Variants in UTRN observed in about 807,000 individuals in gnomAD.
UTRN encodes the protein utrophin, also known as dystrophin-related protein 1.
In UTRN, 283 loss-of-function variants were observed where a neutral mutation model predicts 463.9. That is an observed-to-expected ratio of 0.61 (90% CI 0.55 to 0.67). The LOEUF (loss-of-function observed/expected upper bound fraction) is 0.67. Among genes scored for constraint, UTRN ranks in the 30% least tolerant of loss-of-function variants. The pLI is 0.00. For missense variants in UTRN, 3,922 were observed against 4,084.3 expected (o/e 0.96, Z 1.08); for synonymous variants, 1,442 against 1,431.5 (o/e 1.01, Z -0.17).
At chr6:144,805,800 CTTT>C (rs1778099759) in intron 65 of UTRN, among the ~76,000 whole-genome samples, 1 of 144,136 alleles carries the variant, frequency 6.9e-6, no homozygotes, top group African/African-American at 2.9e-5. Flanking sequence ...AGTGCAATAT[CTTT>C]GAAGCTCACC....
chr6:144,754,100 TTC>T (rs573241205), intron 56 of UTRN, among the ~76,000 whole-genome samples: 2 of 146,072 alleles, frequency 1.4e-5, no homozygotes, highest in African/African-American at 2.7e-5. Flanking sequence ...TACTGTCTAT[TTC>T]TCTCTCTCAC....
intron 50 of UTRN, among the ~76,000 whole-genome samples, chr6:144,558,341 A>C (rs980644016): frequency 2.0e-5 from 3 of 152,216 alleles, no homozygotes; most frequent in African/African-American, 4.8e-5. Context: ...GTTAGCAAAG[A>C]CAAAACTTCA....
chr6:144,561,250 T>TACACAC lies in UTRN; in HGVS notation c.7289+3940_7289+3941insCACACA, dbSNP rs1200374892. On this transcript the variant is annotated intron_variant, in intron 50 of 74. Coordinates refer to ENST00000367545, the MANE Select transcript of UTRN (RefSeq NM_007124.3). ...ATATATATATATATATATATATATA[T>TACACAC]ATATATATATACATACACACACACA... 2.9e-4 allele frequency among the ~76,000 whole-genome samples: 15 copies of TACACAC among 51,826 alleles called. 1 individual carries two copies. The highest frequency in any genetic ancestry group is 1.1e-3 in the African/African-American group (15 of 14,090). The allele number at this position is 51,826 out of a possible 152,430, so 34.0% of individuals were successfully genotyped here. A position where few individuals can be genotyped will look rare whatever the true frequency, so the allele number is the denominator to read the frequency against.
intron 33 of UTRN, among the ~76,000 whole-genome samples, chr6:144,498,965 G>A (rs1338281852): frequency 2.0e-5 from 3 of 152,080 alleles, no homozygotes; most frequent in Non-Finnish European, 4.4e-5. Flanking sequence ...GAGCCACTGT[G>A]CCCAGCCTCA....
intron 62 of UTRN, among the ~76,000 whole-genome samples, chr6:144,793,333 C>A (rs1360699097): frequency 1.3e-5 from 2 of 151,584 alleles, no homozygotes; most frequent in African/African-American, 4.9e-5. Context: ...TGGTCTCAAA[C>A]TCCTGGCTCA....
intron 2 of UTRN, among the ~76,000 whole-genome samples, chr6:144,360,080 C>G (rs1293566973): frequency 1.0e-5 from 1 of 95,730 alleles, no homozygotes; most frequent in Non-Finnish European, 1.8e-5. Context: ...CCCTTCCCTT[C>G]CCTTCCCTTC....
intron 53 of UTRN, among the ~76,000 whole-genome samples, chr6:144,723,971 C>G (rs1345269139): frequency 7.5e-6 from 1 of 132,566 alleles, no homozygotes; most frequent in Non-Finnish European, 1.5e-5. Flanking sequence ...GATCATGCCA[C>G]TGCACTCCAG....
intron 51 of UTRN, among the ~76,000 whole-genome samples, chr6:144,615,569 G>A (rs1435587209): frequency 1.3e-5 from 2 of 152,178 alleles, no homozygotes; most frequent in Non-Finnish European, 1.5e-5. Flanking sequence ...TCTAAGTCAC[G>A]CTTGATTGCT....
At chr6:144,581,892 T>A (rs2128626965) in intron 51 of UTRN, among the ~76,000 whole-genome samples, 1 of 152,346 alleles carries the variant, frequency 6.6e-6, no homozygotes, top group African/African-American at 2.4e-5. Flanking sequence ...ACTAATCTAT[T>A]TCTATCTATT....
chr6:144,715,739 C>T (rs1480678365), intron 53 of UTRN, among the ~76,000 whole-genome samples: 2 of 139,318 alleles, frequency 1.4e-5, no homozygotes, highest in Non-Finnish European at 3.0e-5. Flanking sequence ...TAGCATTTAT[C>T]AGAATCTAAC....
intron 53 of UTRN, among the ~76,000 whole-genome samples, chr6:144,706,177 C>G (rs1785068824): frequency 1.3e-5 from 2 of 150,590 alleles, no homozygotes; most frequent in African/African-American, 4.9e-5. Flanking sequence ...TTCTTGAAAT[C>G]AAAATCTCTT....
intron 51 of UTRN, among the ~76,000 whole-genome samples, chr6:144,601,391 G>C (rs1804232323): frequency 6.6e-6 from 1 of 152,146 alleles, no homozygotes; most frequent in South Asian, 2.1e-4. Context: ...GACATTTACA[G>C]GAGTTTGGAA....
In UTRN at chr6:144,479,889, G is replaced by A; in HGVS notation, c.3414G>A (p.Gln1138=). The A allele has an allele frequency of 6.2e-7, 1 of 1,614,214 alleles. No individual in the cohort carries two copies. Among genetic ancestry groups the A allele is most frequent in the South Asian group, 1.1e-5 (1 of 91,086 alleles). Residue 1138 remains glutamine, a synonymous_variant, in exon 26 of 75, where the codon CAG becomes CAA. Transcript: ENST00000367545. ...ANLKKDLAEM[Q]EWMTQAEEEY... ...TGAAGAAAGACTTGGCAGAGATGCA[G>A]GAATGGATGACCCAGGCCGAGGAAG... is the stretch of plus-strand genomic sequence containing the variant.
At chr6:144,824,604 A>T (rs1397445157) in intron 66 of UTRN, among the ~76,000 whole-genome samples, 2 of 40,416 alleles carry the variant, frequency 4.9e-5, no homozygotes, top group Admixed American at 7.9e-4. Context: ...ATATATATAT[A>T]TATATATATC....
chr6:144,406,237 A>G (rs1288326949), intron 3 of UTRN, among the ~76,000 whole-genome samples: 5 of 152,242 alleles, frequency 3.3e-5, no homozygotes, highest in South Asian at 2.1e-4. Flanking sequence ...TTTGAGAGTT[A>G]TGACTTTACC....
intron 21 of UTRN, 77 bp downstream of exon 21, chr6:144,459,431 G>C (rs1291847503): frequency 6.9e-7 from 1 of 1,458,602 alleles, no homozygotes; most frequent in Non-Finnish European, 9.1e-7. Flanking sequence ...TAGAACTTGA[G>C]TACACTTGCT....
At chr6:144,719,174 C>T (rs900429541) in intron 53 of UTRN, among the ~76,000 whole-genome samples, 20 of 152,178 alleles carry the variant, frequency 1.3e-4, no homozygotes, top group Non-Finnish European at 2.9e-4. Context: ...CTAACAATGG[C>T]CTCCTGAGGT....
intron 23 of UTRN, among the ~76,000 whole-genome samples, chr6:144,466,387 C>T (rs1450707581): frequency 6.6e-6 from 1 of 152,274 alleles, no homozygotes; most frequent in East Asian, 1.9e-4. Flanking sequence ...GCCTGCATTT[C>T]CTTTGTCTCC....
rs560620584 is a variant in UTRN at position 144,441,875 on chromosome 6, A to G, written c.1512+1404A>G. Among the ~76,000 whole-genome samples the G allele has an allele frequency of 3.9e-5, 6 of 152,314 alleles. No homozygotes were observed. The South Asian group carries it at 1.2e-3, about 32-fold the overall frequency. ...GGCTCAACACCACATGGAAGCTGCC[A>G]AGGCTTGTGGCTTGCACCTTTGCCA... On this transcript the variant is annotated intron_variant, in intron 13 of 74. Transcript: ENST00000367545.
Sources: gnomAD v4.1 joint callset for allele counts (sites outside exome capture counted in the v4.1 genomes callset) on GRCh38, gnomAD v4.1.1 for gene constraint, MANE v1.5 for transcripts, NCBI Gene and HGNC (gene_info 2026-07-23, HGNC 2026-07-21) for gene names.